SCGB2B2: variants seen among roughly 807,000 people sequenced by gnomAD.
SCGB2B2 encodes secretoglobin-like protein.
A neutral mutation model predicts 7.6 loss-of-function variants in SCGB2B2; 11 were observed. That is an observed-to-expected ratio of 1.45 (90% CI 0.91 to 2.40). The LOEUF (loss-of-function observed/expected upper bound fraction) is 2.40. Ranked by LOEUF, SCGB2B2 falls within the 30% of genes most tolerant of loss-of-function variation. The pLI, the probability that SCGB2B2 is intolerant of heterozygous loss-of-function variation, is 0.00. For synonymous variants in SCGB2B2, 50 were observed against 48.6 expected (o/e 1.03, Z -0.12); for missense variants, 104 against 115.4 (o/e 0.90, Z 0.45).
At chr19:34,599,709 C>T (rs982436813) in intron 1 of SCGB2B2, among the ~76,000 whole-genome samples, 2 of 152,078 alleles carry the variant, frequency 1.3e-5, no homozygotes, top group East Asian at 3.9e-4. Context: ...ATCCTCTCTT[C>T]CCTCCCTGTC....
chr19:34,595,458 T>A lies in SCGB2B2; in HGVS notation c.-895A>T, dbSNP rs2065423841. ...CTCCTTTGTGCTCAAACAGCATAAC[T>A]TTAACTTGTTGGAGAGTAGCTAGTA... is the stretch of plus-strand genomic sequence containing the variant. On this transcript the variant is annotated 5_prime_UTR_variant, in exon 2 of 4. It adds an upstream start codon to the 5' untranslated region. Coordinates refer to ENST00000601241, the MANE Select transcript of SCGB2B2 (RefSeq NM_001025591.4). 6.5e-6 allele frequency: 1 copy of A among 152,672 alleles called. No individual in the cohort carries two copies. The allele number at this position is 152,672 out of a possible 1,614,324, so 9.5% of individuals were successfully genotyped here.
chr19:34,622,418 T>C (rs2066265944), intron 1 of SCGB2B2, among the ~76,000 whole-genome samples: 1 of 152,340 alleles, frequency 6.6e-6, no homozygotes, highest in East Asian at 1.9e-4. Context: ...GCGAGTTATC[T>C]CACTGTACCT....
At chr19:34,674,479 A>G (rs1193202451) in intron 1 of SCGB2B2, among the ~76,000 whole-genome samples, 1 of 152,244 alleles carries the variant, frequency 6.6e-6, no homozygotes, top group Non-Finnish European at 1.5e-5. Flanking sequence ...GATACATATT[A>G]TGAAGCAACT....
At chr19:34,674,294 TA>T (rs1393902503) in intron 1 of SCGB2B2, among the ~76,000 whole-genome samples, 2 of 152,170 alleles carry the variant, frequency 1.3e-5, no homozygotes, top group Non-Finnish European at 2.9e-5. Context: ...GAAAGGAAAT[TA>T]TATAATCTCT....
At chr19:34,642,378 T>G (rs2066867552) in intron 1 of SCGB2B2, among the ~76,000 whole-genome samples, 1 of 152,028 alleles carries the variant, frequency 6.6e-6, no homozygotes, top group Admixed American at 6.6e-5. Flanking sequence ...CAAAACAGAT[T>G]GTGTTGCAGG....
In SCGB2B2 at chr19:34,604,287, A is replaced by G. The variant is rs114631921; in HGVS notation, c.-2031-7693T>C. 6.4e-3 allele frequency among the ~76,000 whole-genome samples: 981 copies of G among 152,320 alleles called. 8 individuals are homozygous for G. The highest frequency in any genetic ancestry group is 0.02 in the Middle Eastern group (6 of 294). ...AGACAATAGGGAGTTAATTGCTTCA[A>G]TAGGACCATGCAGTTAGTCTTTCCT... is the stretch of plus-strand genomic sequence containing the variant. On this transcript the variant is annotated intron_variant, in intron 1 of 3. Transcript: ENST00000601241.
At chr19:34,589,740 G>A (rs2065255777), downstream of SCGB2B2, among the ~76,000 whole-genome samples, 1 of 152,012 alleles carries the variant, frequency 6.6e-6, no homozygotes, top group Non-Finnish European at 1.5e-5. Flanking sequence ...CAGTGTGGAT[G>A]ATGGAGGAGG....
At chr19:34,660,749 T>C (rs1277706543) in intron 1 of SCGB2B2, among the ~76,000 whole-genome samples, 2 of 152,198 alleles carry the variant, frequency 1.3e-5, no homozygotes, top group African/African-American at 4.8e-5. Flanking sequence ...AGAAATACCA[T>C]TTGACCCAGC....
rs773640929 is a variant in SCGB2B2, at chr19:34,594,375, T to A, written c.62-16A>T. 1.2e-6 allele frequency: 2 copies of A among 1,611,084 alleles called. No homozygotes were observed. The highest frequency in any genetic ancestry group is 2.7e-5 in the African/African-American group (2 of 74,590). ...CAGGCATCCCCTGTGGAGGATGAGG[T>A]GAGATAAGAAAACAGAGGAGGTCAG... On this transcript the variant is annotated splice_polypyrimidine_tract_variant and intron_variant, in intron 2 of 3. Transcript: ENST00000601241.
intron 1 of SCGB2B2, among the ~76,000 whole-genome samples, chr19:34,644,591 TAG>T: frequency 6.6e-6 from 1 of 152,292 alleles, no homozygotes; most frequent in South Asian, 2.1e-4. Context: ...TTTTGTTTTA[TAG>T]AGTTAGTTGC....
intron 1 of SCGB2B2, among the ~76,000 whole-genome samples, chr19:34,613,554 G>A (rs1008335902): frequency 1.3e-5 from 2 of 152,208 alleles, no homozygotes; most frequent in Non-Finnish European, 2.9e-5. Flanking sequence ...TTATTGATAA[G>A]TGAGGACATA....
chr19:34,659,285 G>A (rs537302210), intron 1 of SCGB2B2, among the ~76,000 whole-genome samples: 131 of 152,270 alleles, frequency 8.6e-4, no homozygotes, highest in Non-Finnish European at 1.6e-3. Flanking sequence ...GGAAGTTCTG[G>A]CCAGGGCAAT....
chr19:34,608,389 A>G (rs1234928064), intron 1 of SCGB2B2, among the ~76,000 whole-genome samples: 1 of 151,414 alleles, frequency 6.6e-6, no homozygotes, highest in Non-Finnish European at 1.5e-5. Context: ...ATAGAAAACT[A>G]GAACTTATTC....
At position 34,665,982 on chromosome 19, in the gene SCGB2B2, T is replaced by C. The variant is rs117691057; in HGVS notation, c.-2032+9648A>G. ...GGGAGGGCGGCCCTCTGCTCCCAGG[T>C]CCTCTGTTCCCTGACCCTGATGCTC... On this transcript the variant is annotated intron_variant, in intron 1 of 3. Coordinates refer to ENST00000601241, the MANE Select transcript of SCGB2B2 (RefSeq NM_001025591.4). Among the ~76,000 whole-genome samples the C allele has an allele frequency of 3.3e-3, 508 of 152,102 alleles. 2 individuals are homozygous for C. Among genetic ancestry groups the C allele is most frequent in the Admixed American group, 8.0e-3 (122 of 15,286 alleles).
intron 1 of SCGB2B2, among the ~76,000 whole-genome samples, chr19:34,673,554 G>T (rs1432850266): frequency 6.6e-6 from 1 of 152,174 alleles, no homozygotes; most frequent in Non-Finnish European, 1.5e-5. Flanking sequence ...GGAATGCACT[G>T]GCTTTAAGTT....
chr19:34,629,499 G>C (rs970710627), intron 1 of SCGB2B2, among the ~76,000 whole-genome samples: 1 of 151,886 alleles, frequency 6.6e-6, no homozygotes, highest in African/African-American at 2.4e-5. Flanking sequence ...ACCAAATCGT[G>C]AGTGAACTCC....
intron 1 of SCGB2B2, chr19:34,640,702 A>G (rs901593049): frequency 2.0e-5 from 3 of 152,194 alleles, no homozygotes; most frequent in African/African-American, 7.2e-5. Flanking sequence ...CATCACCACT[A>G]TCGATGTCCA....
In SCGB2B2 at chr19:34,665,199, A is replaced by C. The variant is rs540985896; in HGVS notation, c.-2032+10431T>G. Among the ~76,000 whole-genome samples the C allele has an allele frequency of 2.0e-5, 3 of 151,982 alleles. No homozygotes were observed. In the South Asian group the frequency reaches 6.2e-4, roughly 32 times the overall value. On this transcript the variant is annotated intron_variant, in intron 1 of 3. Transcript: ENST00000601241. ...CTGTGCCCAGGCCCCTCACCCACAC[A>C]CTCTGGCTGGCTGCATCTGTTGTCC...
At chr19:34,618,434 T>C (rs150101668) in intron 1 of SCGB2B2, among the ~76,000 whole-genome samples, 23 of 152,364 alleles carry the variant, frequency 1.5e-4, no homozygotes, top group Non-Finnish European at 3.2e-4. Context: ...TTTTATTTTA[T>C]TGTTTAACCT....
Sources: gnomAD v4.1 joint callset for allele counts (sites outside exome capture counted in the v4.1 genomes callset) on GRCh38, gnomAD v4.1.1 for gene constraint, MANE v1.5 for transcripts, NCBI Gene and HGNC (gene_info 2026-07-23, HGNC 2026-07-21) for gene names.